MORN1: variants seen among roughly 807,000 people sequenced by gnomAD.
MORN1 encodes MORN repeat containing 1.
In MORN1, 67 loss-of-function variants were observed where a neutral mutation model predicts 61.9. The observed-to-expected ratio is 1.08, with a 90% CI of 0.89 to 1.33. MORN1 has a LOEUF of 1.33. Among genes scored for constraint, MORN1 ranks in the 40% most tolerant of loss-of-function variants. MORN1 has a pLI of 0.00. For missense variants in MORN1, 752 were observed against 691.2 expected (o/e 1.09, Z -0.99); for synonymous variants, 301 against 292.0 (o/e 1.03, Z -0.31).
chr1:2,357,536 G>T lies in MORN1; in HGVS notation c.932C>A (p.Ala311Asp), dbSNP rs1237643286. The T allele has an allele frequency of 3.1e-6, 5 of 1,612,420 alleles. No homozygotes were observed. Among genetic ancestry groups the T allele is most frequent in the Non-Finnish European group, 4.2e-6 (5 of 1,179,540 alleles). ...SPAAGVPGPR[A>D]AKGGAEADVP... is the part of the protein sequence containing the mutation. ...GTCGGCTTCTGCCCCTCCCTTGGCA[G>T]CTCTGGGCCCCGGCACCCCAGCTGC... The change falls in exon 10 of 14, where the codon GCT (alanine) becomes GAT (aspartate). Residue 311 changes from alanine (A) to aspartate (D), a missense_variant. Coordinates refer to ENST00000378531, the MANE Select transcript of MORN1 (RefSeq NM_024848.3). This position sits in a 1 kb window ranked among gnomAD's most constrained non-coding sequence, Gnocchi z 6.3.
chr1:2,373,102 TGTC>T (rs1433417638), intron 7 of MORN1, among the ~76,000 whole-genome samples: 1 of 152,180 alleles, frequency 6.6e-6, no homozygotes, highest in Non-Finnish European at 1.5e-5. Context: ...CTGTGGGTGG[TGTC>T]GTCACACCGC....
At chr1:2,339,686 C>T (rs1569942305) in intron 10 of MORN1, among the ~76,000 whole-genome samples, 1 of 152,222 alleles carries the variant, frequency 6.6e-6, no homozygotes, top group Non-Finnish European at 1.5e-5. Context: ...CCCTCAGCTG[C>T]AGCCTAACTC....
At chr1:2,346,832 C>G (rs892210878) in intron 10 of MORN1, among the ~76,000 whole-genome samples, 1 of 152,194 alleles carries the variant, frequency 6.6e-6, no homozygotes, top group African/African-American at 2.4e-5. Flanking sequence ...TGCCGGTCAC[C>G]CCTGCTGGGG....
Position 2,385,676 on chromosome 1 carries a change from T to C in MORN1, c.449+131A>G, listed in dbSNP as rs1042069243. 2.5e-5 allele frequency: 18 copies of C among 733,594 alleles called. No individual in the cohort carries two copies. The African/African-American group carries it at 3.2e-4, about 13-fold the overall frequency. 45.4% of individuals were successfully genotyped at this position (733,594 alleles called of 1,614,324 possible). On this transcript the variant is annotated intron_variant, in intron 5 of 13. Coordinates refer to ENST00000378531, the MANE Select transcript of MORN1 (RefSeq NM_024848.3). Reference sequence around the variant, plus strand: ...AACTTGGCACTGGGGGGGTGGCGGGTAGACAGCAGGGGCCGGAACAGGCCC... The same window carrying C: ...AACTTGGCACTGGGGGGGTGGCGGGCAGACAGCAGGGGCCGGAACAGGCCC...
At chr1:2,343,291 G>A (rs1194857420) in intron 10 of MORN1, among the ~76,000 whole-genome samples, 8 of 152,162 alleles carry the variant, frequency 5.3e-5, no homozygotes, top group South Asian at 2.1e-4. Flanking sequence ...GGCTCTCTCC[G>A]TGCCCGCCCG....
intron 2 of MORN1, 79 bp downstream of exon 2, chr1:2,389,846 C>T (rs1642598547): frequency 1.5e-6 from 2 of 1,336,026 alleles, no homozygotes; most frequent in Middle Eastern, 1.9e-4. Context: ...GCCACTTGCC[C>T]ACCCAACCTC....
intron 12 of MORN1, among the ~76,000 whole-genome samples, chr1:2,331,742 A>G (rs957413587): frequency 1.3e-5 from 2 of 152,102 alleles, no homozygotes; most frequent in Non-Finnish European, 2.9e-5. Context: ...AGTTGTAACA[A>G]AGGCGCGCGT....
intron 13 of MORN1, chr1:2,323,436 G>A (rs1220269984): frequency 1.0e-6 from 1 of 985,284 alleles, no homozygotes; most frequent in Admixed American, 6.2e-5. Context: ...TGACAGAGAG[G>A]CTCCATTCTC....
At chr1:2,346,880 G>A (rs1334977997) in intron 10 of MORN1, among the ~76,000 whole-genome samples, 1 of 152,164 alleles carries the variant, frequency 6.6e-6, no homozygotes, top group Non-Finnish European at 1.5e-5. Flanking sequence ...CCTAGTCTGG[G>A]TGGGGCCCAG....
intron 10 of MORN1, chr1:2,355,284 C>T: frequency 6.9e-7 from 1 of 1,444,210 alleles, no homozygotes; most frequent in Non-Finnish European, 9.2e-7. Context: ...GCCGGGCCCC[C>T]CGTGGGCCTG....
chr1:2,387,353 G>A, intron 4 of MORN1, 66 bp downstream of exon 4: 2 of 1,198,030 alleles, frequency 1.7e-6, no homozygotes, highest in Non-Finnish European at 2.5e-6. Flanking sequence ...GAACCCAAGT[G>A]GACGTAGGAT....
At position 2,389,929 on chromosome 1, in the gene MORN1, C is replaced by T. The variant is rs1247946733; in HGVS notation, c.144G>A (p.Lys48=). The change falls in exon 2 of 14, where the codon AAG becomes AAA. Residue 48 remains lysine, a synonymous_variant. Transcript: ENST00000378531. ...RYEGEWKAGR[K]HGHGKLLFKD... The stretch of plus-strand genomic sequence containing the variant: ...GAGACCACAGATGCTTCTCACCGTG[C>T]TTCCTCCCTGCTTTCCATTCTCCTT... 6.2e-7 allele frequency: 1 copy of T among 1,614,006 alleles called. No homozygotes were observed. Among genetic ancestry groups the T allele is most frequent in the African/African-American group, 1.3e-5 (1 of 75,074 alleles).
At chr1:2,387,651 T>A (rs771465561) in intron 3 of MORN1, 122 bp from the exon 4 acceptor site, 14 of 696,442 alleles carry the variant, frequency 2.0e-5, no homozygotes, top group Non-Finnish European at 3.3e-5. Flanking sequence ...CGTCCCTGCC[T>A]CCATCATACT....
rs1191669218 is a variant in MORN1 at position 2,357,004 on chromosome 1, C to T, written c.1036+428G>A. Among the ~76,000 whole-genome samples, 1 of 152,166 alleles carries T rather than the reference C, an allele frequency of 6.6e-6. No individual in the cohort carries two copies. Among genetic ancestry groups the T allele is most frequent in the Non-Finnish European group, 1.5e-5 (1 of 68,014 alleles). On this transcript the variant is annotated intron_variant, in intron 10 of 13. Transcript: ENST00000378531. This position sits in a 1 kb window ranked among gnomAD's most constrained non-coding sequence, Gnocchi z 6.3. The stretch of plus-strand genomic sequence containing the variant: ...GTGCAGAAGCGGAGCAGCGGGAAAC[C>T]CTGACCTCGAGAGAGCAGTCGGCGC...
At chr1:2,390,762 T>A in intron 1 of MORN1, 1 of 985,248 alleles carries the variant, frequency 1.0e-6, no homozygotes, top group South Asian at 4.7e-5. Flanking sequence ...CTTTTTTTTT[T>A]TTTTGAGACT....
At chr1:2,332,208 T>G (rs1157477334) in intron 12 of MORN1, 1 of 199,232 alleles carries the variant, frequency 5.0e-6, no homozygotes, top group Non-Finnish European at 1.0e-5. Context: ...GGGCTGCCTG[T>G]CCTCCTGAGG....
At chr1:2,377,906 G>A (rs1017601897) in intron 6 of MORN1, 1 of 152,324 alleles carries the variant, frequency 6.6e-6, no homozygotes, top group African/African-American at 2.4e-5. Context: ...TTCACGGCCT[G>A]GTGCACCAGG....
chr1:2,391,114 C>A (rs1570065981), intron 1 of MORN1, among the ~76,000 whole-genome samples: 1 of 152,248 alleles, frequency 6.6e-6, no homozygotes, highest in South Asian at 2.1e-4. Flanking sequence ...CGCCTGCCCT[C>A]GCCCCAAGTC....
At chr1:2,387,116 C>T (rs1642515981) in intron 4 of MORN1, 1 of 426,584 alleles carries the variant, frequency 2.3e-6, no homozygotes, top group South Asian at 2.8e-5. Flanking sequence ...CCTACTGACC[C>T]CAGGATCAGG....
Sources: gnomAD v4.1 joint callset for allele counts (sites outside exome capture counted in the v4.1 genomes callset) on GRCh38, gnomAD v4.1.1 for gene constraint, Gnocchi (gnomAD v3.1) non-coding constraint, MANE v1.5 for transcripts, NCBI Gene and HGNC (gene_info 2026-07-23, HGNC 2026-07-21) for gene names.